The following CASP9 variants were observed in gnomAD, a reference collection of about 807,000 sequenced individuals.
CASP9 encodes caspase 9, also known as caspase-9.
Under a neutral mutation model 43.5 loss-of-function variants are expected in CASP9, and 29 were observed. The observed-to-expected ratio is 0.67, with a 90% confidence interval of 0.50 to 0.91. CASP9 has a LOEUF of 0.91. Ranked by LOEUF, CASP9 falls within the 40% of genes least tolerant of loss-of-function variation. The pLI is 0.00. For missense variants in CASP9, 575 were observed against 537.4 expected, an observed-to-expected ratio of 1.07 and a Z score of -0.69; for synonymous variants, 206 against 211.9, an observed-to-expected ratio of 0.97 and a Z score of 0.24.
chr1:15,495,497 G>A (rs770766599), intron 6 of CASP9, 45 bp from the exon 7 acceptor site: 4 of 1,478,282 alleles, frequency 2.7e-6, no homozygotes, highest in South Asian at 2.7e-5. Flanking sequence ...GAAATACACA[G>A]ACAAGGATGG....
intron 1 of CASP9, among the ~76,000 whole-genome samples, chr1:15,520,329 C>A (rs956965151): frequency 2.6e-5 from 4 of 152,046 alleles, no homozygotes; most frequent in African/African-American, 9.7e-5. Flanking sequence ...GAGACTGAAG[C>A]CACAAACTGT....
Position 15,504,574 on chromosome 1 carries a change from C to G in CASP9, c.868+37G>C, listed in dbSNP as rs1709445974. 3.1e-6 allele frequency: 5 copies of G among 1,587,712 alleles called. No individual in the cohort carries two copies. In the East Asian group the frequency reaches 1.1e-4, roughly 35 times the overall value. ...GAAGCAGGTGGCGGCTCCCTCCCCACCAGACCCACCCAGAGGGAGGCTGAG... is the reference window on the plus strand; with the variant it reads ...GAAGCAGGTGGCGGCTCCCTCCCCAGCAGACCCACCCAGAGGGAGGCTGAG... On this transcript the variant is annotated intron_variant, in intron 6 of 8. Transcript: ENST00000333868.
intron 2 of CASP9, among the ~76,000 whole-genome samples, chr1:15,516,481 T>A (rs1324997617): frequency 4.0e-5 from 6 of 148,430 alleles, no homozygotes; most frequent in Non-Finnish European, 8.9e-5. Flanking sequence ...TTGCCTCAAT[T>A]AAAAAAAAAA....
chr1:15,494,770 G>GGA (rs1709036437), intron 7 of CASP9, among the ~76,000 whole-genome samples: 1 of 147,772 alleles, frequency 6.8e-6, no homozygotes, highest in Non-Finnish European at 1.5e-5. Context: ...GGCTGAGGCA[G>GGA]GAGAATGGTG....
intron 1 of CASP9, among the ~76,000 whole-genome samples, chr1:15,522,688 C>T (rs1252336553): frequency 6.6e-6 from 1 of 152,214 alleles, no homozygotes; most frequent in Non-Finnish European, 1.5e-5. Flanking sequence ...GCACTCCAGG[C>T]TGGGCAAGAG....
chr1:15,512,680 TAC>T (rs1553142504), intron 2 of CASP9, among the ~76,000 whole-genome samples: 1 of 152,048 alleles, frequency 6.6e-6, no homozygotes, highest in Non-Finnish European at 1.5e-5. Flanking sequence ...TATATATATA[TAC>T]ACACACAAAA....
upstream of CASP9, chr1:15,524,751 ACCT>A: frequency 1.0e-6 from 1 of 982,490 alleles, no homozygotes; most frequent in Non-Finnish European, 1.2e-6. Flanking sequence ...TGTCCCCAGA[ACCT>A]GCCACCGCGT....
intron 1 of CASP9, among the ~76,000 whole-genome samples, chr1:15,522,851 C>T (rs1248527937): frequency 1.3e-5 from 2 of 152,258 alleles, no homozygotes; most frequent in African/African-American, 4.8e-5. Flanking sequence ...TTGTGATCCC[C>T]GTGAACATTC....
chr1:15,515,436 G>A (rs1166207589), intron 2 of CASP9, among the ~76,000 whole-genome samples: 3 of 152,120 alleles, frequency 2.0e-5, no homozygotes, highest in African/African-American at 7.2e-5. Context: ...CCATGCAATG[G>A]TCCACCAGGC....
At chr1:15,523,814 T>C (rs895860610) in intron 1 of CASP9, among the ~76,000 whole-genome samples, 1 of 152,266 alleles carries the variant, frequency 6.6e-6, no homozygotes, top group African/African-American at 2.4e-5. Flanking sequence ...AATTCATGAA[T>C]TGTTTCTTAT....
In CASP9 at chr1:15,518,285, G is replaced by A. The variant is rs1433930086; in HGVS notation, c.243C>T (p.Gly81=). The change falls in exon 2 of 9, where the codon GGC becomes GGT. Residue 81 remains glycine, a synonymous_variant. Coordinates refer to ENST00000333868, the MANE Select transcript of CASP9 (RefSeq NM_001229.5). Reference sequence around the variant, plus strand: ...GCAGAAACGAAGCCAGCATGTCCTGGCCTGTGTCCTCTAAGCAGGAGATGA... The same window carrying A: ...GCAGAAACGAAGCCAGCATGTCCTGACCTGTGTCCTCTAAGCAGGAGATGA... ...PLFISCLEDT[G]QDMLASFLRT... 1 of 1,614,188 alleles carries A rather than the reference G, an allele frequency of 6.2e-7. No homozygotes were observed. The highest frequency in any genetic ancestry group is 8.5e-7 in the Non-Finnish European group (1 of 1,180,038).
Position 15,495,330 on chromosome 1 carries a change from C to T in CASP9, c.991G>A (p.Ala331Thr), listed in dbSNP as rs756945761. 37 of 1,610,582 alleles carry T rather than the reference C, an allele frequency of 2.3e-5. No individual in the cohort carries two copies. Among genetic ancestry groups the T allele is most frequent in the African/African-American group, 4.0e-5 (3 of 74,292 alleles). Residue 331 changes from alanine to threonine, a missense_variant, in exon 7 of 9, where the codon GCC (alanine) becomes ACC (threonine). Coordinates refer to ENST00000333868, the MANE Select transcript of CASP9 (RefSeq NM_001229.5). ...EGLRTFDQLD[A>T]ISSLPTPSDI... The stretch of plus-strand genomic sequence containing the variant: ...CTGGGTGTGGGCAAACTAGATATGG[C>T]GTCCAGCTGGTCGAAGGTCCTCAAA...
chr1:15,524,127 A>G lies in CASP9; in HGVS notation c.74T>C (p.Leu25Pro), dbSNP rs1710340443. ...CTCGCGGCTCAGCAGGGCGTCCCAG[A>G]GCTGGTCCACCTGCAGCTCTTCCAC... Reference protein sequence around the residue: ...RLVEELQVDQLWDALLSRELF... With the variant: ...RLVEELQVDQPWDALLSRELF... The change falls in exon 1 of 9, where the codon CTC becomes CCC. Residue 25 changes from leucine to proline, a missense_variant. Transcript: ENST00000333868. 1.3e-6 allele frequency: 2 copies of G among 1,541,626 alleles called. No individual in the cohort carries two copies. The highest frequency in any genetic ancestry group is 1.2e-5 in the South Asian group (1 of 84,060).
rs1708929023 is a variant in CASP9 at position 15,492,501 on chromosome 1, T to C, written c.*442A>G. ...ACCCCAGGACATATTTGGCAACACC[T>C]GAGAACCTTTTTGTTTGGCACCACT... On this transcript the variant is annotated 3_prime_UTR_variant, in exon 9 of 9. Coordinates refer to ENST00000333868, the MANE Select transcript of CASP9 (RefSeq NM_001229.5). 6.2e-6 allele frequency: 1 copy of C among 160,572 alleles called. No homozygotes were observed. The highest frequency in any genetic ancestry group is 2.4e-5 in the African/African-American group (1 of 41,786). 9.9% of individuals were successfully genotyped at this position (160,572 alleles called of 1,614,324 possible).
chr1:15,499,442 A>G (rs1709238931), intron 6 of CASP9, among the ~76,000 whole-genome samples: 1 of 152,230 alleles, frequency 6.6e-6, no homozygotes, highest in Non-Finnish European at 1.5e-5. Context: ...TACTTCTTGC[A>G]CTATGGCAAA....
chr1:15,507,236 T>C, intron 3 of CASP9, 161 bp from the exon 4 acceptor site: 1 of 691,184 alleles, frequency 1.4e-6, no homozygotes. Context: ...CAGGGAAGAC[T>C]AGCACTAGAA....
chr1:15,500,343 A>G (rs1035421625), intron 6 of CASP9, among the ~76,000 whole-genome samples: 42 of 152,160 alleles, frequency 2.8e-4, no homozygotes, highest in African/African-American at 7.5e-4. Flanking sequence ...GCAGGTTTGC[A>G]TGGCTGGATC....
intron 2 of CASP9, among the ~76,000 whole-genome samples, chr1:15,513,830 A>G (rs1045473979): frequency 1.3e-5 from 2 of 152,186 alleles, no homozygotes; most frequent in Non-Finnish European, 2.9e-5. Flanking sequence ...CCCAACTCCA[A>G]CACTTAGCAC....
At position 15,493,841 on chromosome 1, in the gene CASP9, GC is replaced by G. The variant is rs778038945; in HGVS notation, c.1158+50del. On this transcript the variant is annotated intron_variant, in intron 8 of 8. Coordinates refer to ENST00000333868, the MANE Select transcript of CASP9 (RefSeq NM_001229.5). The stretch of plus-strand genomic sequence containing the variant: ...CAAATCCCCAGCCCCAGGAGGACAC[GC>G]TGCCCCTCAGCAGCCTCCCCTCTCC... 1.2e-5 allele frequency: 18 copies of G among 1,551,424 alleles called. 1 individual carries two copies. In the South Asian group the frequency reaches 2.1e-4, roughly 18 times the overall value.
Sources: gnomAD v4.1 joint callset for allele counts (sites outside exome capture counted in the v4.1 genomes callset) on GRCh38, gnomAD v4.1.1 for gene constraint, MANE v1.5 for transcripts, NCBI Gene and HGNC (gene_info 2026-07-23, HGNC 2026-07-21) for gene names.